The following FAM184A variants were observed in gnomAD, a reference collection of about 807,000 sequenced individuals.
The protein encoded by FAM184A is protein FAM184A.
In FAM184A, 99 loss-of-function variants were observed where a neutral mutation model predicts 143.8. The observed-to-expected ratio is 0.69, with a 90% CI of 0.58 to 0.81. FAM184A has a LOEUF of 0.81. Among genes scored for constraint, FAM184A ranks in the 40% least tolerant of loss-of-function variants. The pLI, the probability that FAM184A is intolerant of heterozygous loss-of-function variation, is 0.00. For synonymous variants in FAM184A, 427 were observed against 446.4 expected, an observed-to-expected ratio of 0.96 and a Z score of 0.55; for missense variants, 1,217 against 1,310.5, an observed-to-expected ratio of 0.93 and a Z score of 1.10.
rs188278242 is a variant in FAM184A, at chr6:119,094,304, T to A, written c.-202+54774A>T. 5.1e-3 allele frequency among the ~76,000 whole-genome samples: 772 copies of A among 152,240 alleles called. 5 individuals are homozygous for A. The highest frequency in any genetic ancestry group is 0.01 in the Admixed American group (153 of 15,294). On this transcript the variant is annotated intron_variant, in intron 1 of 16. Coordinates refer to the FAM184A transcript ENST00000352896. ...GAAGACTTCTGACTTTCACAGAATG[T>A]CTTGACCTGATAGTTGGCTGACCTG...
At position 119,002,958 on chromosome 6, in the gene FAM184A, G is replaced by C. The variant is rs369368602; in HGVS notation, c.2029C>G (p.Arg677Gly). The C allele has an allele frequency of 8.1e-6, 13 of 1,611,962 alleles. No homozygotes were observed. The African/African-American group carries it at 1.3e-4, about 17-fold the overall frequency. Residue 677 changes from arginine to glycine, a missense_variant, in exon 9 of 18, where the codon CGA becomes GGA. Coordinates refer to ENST00000338891, the MANE Select transcript of FAM184A (RefSeq NM_024581.6). ...GAATCTCTTGCTGCATTTTTCTCTCGATCTTTCAACTGCAAAAGTTGAGAC... is the reference window on the plus strand; with the variant it reads ...GAATCTCTTGCTGCATTTTTCTCTCCATCTTTCAACTGCAAAAGTTGAGAC... ...AMSQLLQLKD[R>G]EKNAARDSWQ...
At chr6:119,116,476 T>C (rs1460116026) in intron 1 of FAM184A, among the ~76,000 whole-genome samples, 2 of 152,132 alleles carry the variant, frequency 1.3e-5, no homozygotes, top group Non-Finnish European at 2.9e-5. Flanking sequence ...ATATAACAAA[T>C]CTGCATGTGT....
intron 1 of FAM184A, among the ~76,000 whole-genome samples, chr6:119,099,139 A>C (rs1788580477): frequency 6.6e-6 from 1 of 152,078 alleles, no homozygotes; most frequent in South Asian, 2.1e-4. Context: ...AAAACAAAAC[A>C]AAAAAGCTTC....
chr6:119,007,902 T>G (rs1170784456), intron 6 of FAM184A, among the ~76,000 whole-genome samples: 3 of 151,304 alleles, frequency 2.0e-5, no homozygotes, highest in Non-Finnish European at 4.4e-5. Flanking sequence ...ATTGTGCCAC[T>G]GCATTCCAGC....
At chr6:119,130,312 A>T (rs1175380638) in intron 1 of FAM184A, among the ~76,000 whole-genome samples, 7 of 152,212 alleles carry the variant, frequency 4.6e-5, no homozygotes, top group Admixed American at 4.6e-4. Context: ...ATAAGCATTT[A>T]ATGAAAGACT....
rs527861270 is a variant in FAM184A at position 119,022,807 on chromosome 6, G to A, written c.1150+138C>T. On this transcript the variant is annotated intron_variant, in intron 3 of 17. Coordinates refer to ENST00000338891, the MANE Select transcript of FAM184A (RefSeq NM_024581.6). ...CAGGAGAATTGCTTGAACCCAGGAG[G>A]CAGAGGTTGCAATGAGCCGAGATTG... 9 of 922,560 alleles carry A rather than the reference G, an allele frequency of 9.8e-6. No homozygotes were observed. The African/African-American group carries it at 1.3e-4, about 14-fold the overall frequency. The allele number at this position is 922,560 out of a possible 1,614,324, so 57.1% of individuals were successfully genotyped here.
intron 1 of FAM184A, among the ~76,000 whole-genome samples, chr6:119,048,957 C>CTATTCCAATCCAACTACCAATGA (rs1285768218): frequency 6.6e-6 from 1 of 152,192 alleles, no homozygotes. Flanking sequence ...AGATTCAATG[C>CTATTCCAATCCAACTACCAATGA]TATTCCAATC....
chr6:119,114,780 ATTGGCCTCCCAAAATGCTAGGATGGCC>A (rs1406570338), intron 1 of FAM184A, among the ~76,000 whole-genome samples: 8 of 152,122 alleles, frequency 5.3e-5, no homozygotes, highest in Admixed American at 2.0e-4. Context: ...GGGATCAAGC[ATTGGCCTCCCAAAATGCTAGGATGGCC>A]TTGGCCTCCC....
intron 1 of FAM184A, among the ~76,000 whole-genome samples, chr6:119,117,936 A>G (rs1190035881): frequency 6.6e-6 from 1 of 152,092 alleles, no homozygotes; most frequent in African/African-American, 2.4e-5. Flanking sequence ...TACAGGAGAG[A>G]AGCAGTCAGG....
chr6:119,100,858 C>A (rs936501299), intron 1 of FAM184A, among the ~76,000 whole-genome samples: 5 of 151,434 alleles, frequency 3.3e-5, no homozygotes, highest in African/African-American at 1.2e-4. Context: ...ACTTGGGAGG[C>A]TGAGGCAGGA....
chr6:119,050,725 A>C (rs1786725707), intron 1 of FAM184A, among the ~76,000 whole-genome samples: 1 of 152,094 alleles, frequency 6.6e-6, no homozygotes, highest in East Asian at 1.9e-4. Flanking sequence ...GAATGGCGTG[A>C]ACCCGGGAAG....
At chr6:119,148,598 A>G (rs895813814) in intron 1 of FAM184A, among the ~76,000 whole-genome samples, 1 of 152,246 alleles carries the variant, frequency 6.6e-6, no homozygotes, top group African/African-American at 2.4e-5. Context: ...TGCTGCCAGC[A>G]TCAGATGTGT....
At chr6:119,033,740 C>T (rs1348913161) in intron 1 of FAM184A, among the ~76,000 whole-genome samples, 1 of 150,000 alleles carries the variant, frequency 6.7e-6, no homozygotes, top group Non-Finnish European at 1.5e-5. Flanking sequence ...ACCTGTAATC[C>T]CAGGACTTTG....
rs2114820935 is a variant in FAM184A, at chr6:119,091,543, G to C, written c.-202+57535C>G. On this transcript the variant is annotated intron_variant, in intron 1 of 16. Coordinates refer to the FAM184A transcript ENST00000352896. ...AGTCTTGTGCCCATGTTGTCTTGTT[G>C]TGCCTCCTTCACTATGGGTCCTTTA... Among the ~76,000 whole-genome samples the C allele has an allele frequency of 1.3e-5, 2 of 152,264 alleles. 1 individual carries two copies. The highest frequency in any genetic ancestry group is 4.1e-4 in the South Asian group (2 of 4,828).
At chr6:119,127,846 T>TCATTCATTCAACAAA (rs1789415257) in intron 1 of FAM184A, among the ~76,000 whole-genome samples, 1 of 152,334 alleles carries the variant, frequency 6.6e-6, no homozygotes, top group South Asian at 2.1e-4. Context: ...ATTCATTCAT[T>TCATTCATTCAACAAA]CATTCATTCA....
intron 14 of FAM184A, among the ~76,000 whole-genome samples, chr6:118,972,088 A>C (rs1292324491): frequency 6.6e-6 from 1 of 152,192 alleles, no homozygotes; most frequent in Non-Finnish European, 1.5e-5. Context: ...CATAAGTTGG[A>C]ACCAACTCTC....
chr6:119,068,631 T>C (rs1256767590), intron 1 of FAM184A, among the ~76,000 whole-genome samples: 1 of 152,176 alleles, frequency 6.6e-6, no homozygotes, highest in Non-Finnish European at 1.5e-5. Flanking sequence ...ACCCATATGA[T>C]GGGCACTGCT....
chr6:118,991,163 AT>A lies in FAM184A; in HGVS notation c.2089-10814del, dbSNP rs527696839. Among the ~76,000 whole-genome samples the A allele has an allele frequency of 8.0e-3, 1,157 of 145,250 alleles. 14 individuals carry two copies. The highest frequency in any genetic ancestry group is 0.03 in the Admixed American group (430 of 14,574). On this transcript the variant is annotated intron_variant, in intron 9 of 17. Transcript: ENST00000338891. ...AAAAGATATTTTATTTTATTTTTTA[AT>A]TTTTTTTTTTTTTGAGATGAATGAA...
chr6:119,027,444 C>G (rs1246949241), intron 1 of FAM184A, among the ~76,000 whole-genome samples: 2 of 152,120 alleles, frequency 1.3e-5, no homozygotes, highest in African/African-American at 4.8e-5. Context: ...CATAGAGCTC[C>G]TAAGACTTTT....
Sources: allele counts gnomAD v4.1 joint callset (sites outside exome capture counted in the v4.1 genomes callset), GRCh38; gene constraint gnomAD v4.1.1; transcripts MANE v1.5; gene names NCBI Gene and HGNC (gene_info 2026-07-23, HGNC 2026-07-21).